Variants in TLN1 observed in about 807,000 individuals in gnomAD.
TLN1 encodes talin-1.
A neutral mutation model predicts 292.3 loss-of-function variants in TLN1; 56 were observed. That is an observed-to-expected ratio of 0.19 (90% confidence interval 0.15 to 0.24). The LOEUF (loss-of-function observed/expected upper bound fraction) is 0.24. TLN1 is among the 10% of genes least tolerant of loss of function. The pLI is 1.00. For synonymous variants in TLN1, 1,119 were observed against 1,253.7 expected (o/e 0.89, Z 2.27); for missense variants, 2,433 against 3,248.2 (o/e 0.75, Z 6.10).
chr9:35,716,861 G>C (rs963315711), intron 19 of TLN1, among the ~76,000 whole-genome samples: 2 of 152,306 alleles, frequency 1.3e-5, no homozygotes, highest in Admixed American at 1.3e-4. Flanking sequence ...GGGTATAGTA[G>C]GGAAGGCTAT....
chr9:35,719,393 G>A lies in TLN1; in HGVS notation c.1688-111C>T, dbSNP rs1340782943. Reference sequence around the variant, plus strand: ...GTCACACACATGTCCACAGAAAGACGCACACACACAGTCCCTTCCACAGTG... The same window carrying A: ...GTCACACACATGTCCACAGAAAGACACACACACACAGTCCCTTCCACAGTG... On this transcript the variant is annotated intron_variant, in intron 15 of 56. Coordinates refer to ENST00000314888, the MANE Select transcript of TLN1 (RefSeq NM_006289.4). This position sits in a 1 kb window ranked among gnomAD's most constrained non-coding sequence, Gnocchi z 4.6. 1.5e-6 allele frequency: 2 copies of A among 1,339,864 alleles called. No individual in the cohort carries two copies. The highest frequency in any genetic ancestry group is 1.2e-5 in the South Asian group (1 of 82,596). The allele number at this position is 1,339,864 out of a possible 1,614,324, so 83.0% of individuals were successfully genotyped here. A position where few individuals can be genotyped will look rare whatever the true frequency, so the allele number is the denominator to read the frequency against.
Position 35,719,304 on chromosome 9 carries a change from G to A in TLN1, c.1688-22C>T. The A allele has an allele frequency of 1.2e-6, 2 of 1,605,096 alleles. No homozygotes were observed. Among genetic ancestry groups the A allele is most frequent in the Admixed American group, 1.7e-5 (1 of 59,292 alleles). On this transcript the variant is annotated intron_variant, in intron 15 of 56. Transcript: ENST00000314888. This position sits in a 1 kb window ranked among gnomAD's most constrained non-coding sequence, Gnocchi z 4.6. Reference sequence around the variant, plus strand: ...TCCCCTAAGGGGAAAAGGAGAAAGAGGAACATGAGAGACAGGGCAGGCCAG... The same window carrying A: ...TCCCCTAAGGGGAAAAGGAGAAAGAAGAACATGAGAGACAGGGCAGGCCAG...
intron 27 of TLN1, 143 bp downstream of exon 27, chr9:35,712,692 A>G: frequency 1.5e-6 from 1 of 656,176 alleles, no homozygotes; most frequent in East Asian, 2.8e-5. Context: ...TAAGGGTGGA[A>G]TCCACAGAGG....
intron 17 of TLN1, among the ~76,000 whole-genome samples, chr9:35,718,256 C>G (rs950492261): frequency 3.3e-5 from 5 of 152,232 alleles, no homozygotes; most frequent in African/African-American, 9.6e-5. Context: ...CATCTCCCAC[C>G]AAGTTCTGGT....
Position 35,699,099 on chromosome 9 carries a change from C to A in TLN1, c.6932G>T (p.Gly2311Val), listed in dbSNP as rs1162478099. ...TGCAGCCTCAATGGCGGCTGCAGCT[C>A]CCAGGAGCTCATTCTCAGCAATGAC... is the stretch of plus-strand genomic sequence containing the variant. ...PTVIAENELL[G>V]AAAAIEAAAK... The change falls in exon 52 of 57, where the codon GGA becomes GTA. Residue 2311 changes from glycine to valine, a missense_variant. This residue lies in a region of TLN1 where 1,384 missense variants were observed against 1,699.6 expected (regional missense o/e 0.81). Coordinates refer to ENST00000314888, the MANE Select transcript of TLN1 (RefSeq NM_006289.4). The surrounding 1 kb of genome is among the most constrained non-coding windows in gnomAD (Gnocchi z 4.0). The A allele has an allele frequency of 1.2e-6, 2 of 1,613,940 alleles. No individual in the cohort carries two copies. The highest frequency in any genetic ancestry group is 1.7e-6 in the Non-Finnish European group (2 of 1,179,906).
At position 35,712,935 on chromosome 9, in the gene TLN1, G is replaced by T. The variant is rs764386370; in HGVS notation, c.3461C>A (p.Thr1154Lys). Reference sequence around the variant, plus strand: ...GGCCTTGTCCAGCACATCACTGGCCGTATCAAGTACAATGGCCTGCACTGC... The same window carrying T: ...GGCCTTGTCCAGCACATCACTGGCCTTATCAAGTACAATGGCCTGCACTGC... ...DPAVQAIVLD[T>K]ASDVLDKASS... The change falls in exon 27 of 57, where the codon ACG becomes AAG. Residue 1154 changes from threonine to lysine, a missense_variant. This residue lies in a region of TLN1 where 1,384 missense variants were observed against 1,699.6 expected (regional missense o/e 0.81). Transcript: ENST00000314888. 2 of 1,608,956 alleles carry T rather than the reference G, an allele frequency of 1.2e-6. No homozygotes were observed. Among genetic ancestry groups the T allele is most frequent in the Non-Finnish European group, 1.7e-6 (2 of 1,177,922 alleles).
chr9:35,709,134 A>C (rs1825615077), intron 33 of TLN1, among the ~76,000 whole-genome samples: 1 of 152,218 alleles, frequency 6.6e-6, no homozygotes, highest in African/African-American at 2.4e-5. Flanking sequence ...GTCTCTACTA[A>C]AAATACAAAA....
chr9:35,717,114 G>T lies in TLN1; in HGVS notation c.2458+32C>A, dbSNP rs754249047. 3 of 1,566,972 alleles carry T rather than the reference G, an allele frequency of 1.9e-6. No individual in the cohort carries two copies. Among genetic ancestry groups the T allele is most frequent in the South Asian group, 2.4e-5 (2 of 84,750 alleles). The stretch of plus-strand genomic sequence containing the variant: ...AGTGGGCTTAGGGAACCCTGGTAGG[G>T]TTTTTTGTTTTCCTGGGGGTGCGTG... On this transcript the variant is annotated intron_variant, in intron 19 of 56. Coordinates refer to ENST00000314888, the MANE Select transcript of TLN1 (RefSeq NM_006289.4). The surrounding 1 kb of genome is among the most constrained non-coding windows in gnomAD (Gnocchi z 4.7).
rs772453592 is a variant in TLN1, at chr9:35,724,557, T to C, written c.511+15A>G. On this transcript the variant is annotated intron_variant, in intron 5 of 56. Transcript: ENST00000314888. The surrounding 1 kb of genome is among the most constrained non-coding windows in gnomAD (Gnocchi z 4.7). Reference sequence around the variant, plus strand: ...TTCCCATTTCAAAAGCCCTCTTTTTTCTAGTTCTGCTTACACTCATCATCT... The same window carrying C: ...TTCCCATTTCAAAAGCCCTCTTTTTCCTAGTTCTGCTTACACTCATCATCT... 6.2e-7 allele frequency: 1 copy of C among 1,604,968 alleles called. No individual in the cohort carries two copies. The highest frequency in any genetic ancestry group is 1.1e-5 in the South Asian group (1 of 89,882).
chr9:35,706,472 T>G lies in TLN1; in HGVS notation c.5168A>C (p.Glu1723Ala). The G allele has an allele frequency of 6.2e-7, 1 of 1,614,106 alleles. No individual in the cohort carries two copies. The change falls in exon 39 of 57, where the codon GAA becomes GCA. Residue 1723 changes from glutamate (E) to alanine (A), a missense_variant. Transcript: ENST00000314888. The surrounding 1 kb of genome is among the most constrained non-coding windows in gnomAD (Gnocchi z 4.2). ...IEPLANAARAEASQLGHKVSQ... is the reference protein window; with the variant it reads ...IEPLANAARAAASQLGHKVSQ... ...TACCTTGTGTCCCAGCTGGGAGGCT[T>G]CAGCCCGGGCAGCATTGGCCAGCGG...
chr9:35,724,514 T>C lies in TLN1; in HGVS notation c.511+58A>G. 6.3e-7 allele frequency: 1 copy of C among 1,588,992 alleles called. No individual in the cohort carries two copies. Among genetic ancestry groups the C allele is most frequent in the South Asian group, 1.1e-5 (1 of 87,526 alleles). ...AACAGTGCCTGGCAGAAGCAGATGC[T>C]GAAGCCCCTTCCCACCCTTCCCATT... On this transcript the variant is annotated intron_variant, in intron 5 of 56. Transcript: ENST00000314888. This position sits in a 1 kb window ranked among gnomAD's most constrained non-coding sequence, Gnocchi z 4.7.
rs373052691 is a variant in TLN1, at chr9:35,724,130, C to A, written c.655-51G>T. 1 of 1,613,338 alleles carries A rather than the reference C, an allele frequency of 6.2e-7. No individual in the cohort carries two copies. The highest frequency in any genetic ancestry group is 8.5e-7 in the Non-Finnish European group (1 of 1,179,486). ...AATGTTGTGTGTGGGTGCAAGGACA[C>A]GCACACTGTGCTTCCGAGCCCTCCC... On this transcript the variant is annotated intron_variant, in intron 6 of 56. Coordinates refer to ENST00000314888, the MANE Select transcript of TLN1 (RefSeq NM_006289.4). This position sits in a 1 kb window ranked among gnomAD's most constrained non-coding sequence, Gnocchi z 4.7.
Position 35,705,945 on chromosome 9 carries a change from C to T in TLN1, c.5511+17G>A. The T allele has an allele frequency of 1.9e-6, 3 of 1,614,062 alleles. No individual in the cohort carries two copies. Among genetic ancestry groups the T allele is most frequent in the Non-Finnish European group, 1.7e-6 (2 of 1,179,924 alleles). ...CCAGGGTAGCCTCAGTGTCCAAAGG[C>T]ACCCCAAGACTCTAACCTGGTTGAT... On this transcript the variant is annotated intron_variant, in intron 41 of 56. Transcript: ENST00000314888.
rs74704620 is a variant in TLN1 at position 35,729,181 on chromosome 9, C to T, written c.-34+2894G>A. Among the ~76,000 whole-genome samples, 784 of 152,312 alleles carry T rather than the reference C, an allele frequency of 5.1e-3. 19 individuals carry two copies. The East Asian group carries it at 0.065, about 13-fold the overall frequency. ...GACTCAAAGATGTTAAATACTTGTT[C>T]AAATACTTCTCCAAATAATAAGTTG... On this transcript the variant is annotated intron_variant, in intron 1 of 56. Transcript: ENST00000314888.
chr9:35,725,808 AGT>A (rs1825965912), intron 1 of TLN1, 81 bp from the exon 2 acceptor site: 1 of 1,357,818 alleles, frequency 7.4e-7, no homozygotes, highest in Non-Finnish European at 1.0e-6. Context: ...CCAAGGGAAG[AGT>A]GTTTTTGAAA....
chr9:35,717,019 T>C lies in TLN1; in HGVS notation c.2458+127A>G, dbSNP rs946453032. On this transcript the variant is annotated intron_variant, in intron 19 of 56. Transcript: ENST00000314888. This position sits in a 1 kb window ranked among gnomAD's most constrained non-coding sequence, Gnocchi z 4.7. The stretch of plus-strand genomic sequence containing the variant: ...CTTTAATGATGAGCCTATGGTTGTG[T>C]GGCTGGCAAGCCCACACTGTGCTGA... 4.7e-6 allele frequency: 5 copies of C among 1,063,040 alleles called. No homozygotes were observed. The South Asian group carries it at 6.6e-5, about 14-fold the overall frequency. The allele number at this position is 1,063,040 out of a possible 1,614,324, so 65.9% of individuals were successfully genotyped here.
chr9:35,711,984 C>G (rs764063674), intron 28 of TLN1, 21 bp downstream of exon 28: 31 of 1,612,192 alleles, frequency 1.9e-5, no homozygotes, highest in East Asian at 1.1e-4. Context: ...TACGTTCCCC[C>G]ACCCCCTACC....
chr9:35,725,860 T>C (rs1311025298), intron 1 of TLN1, 133 bp from the exon 2 acceptor site: 2 of 717,612 alleles, frequency 2.8e-6, no homozygotes, highest in Non-Finnish European at 4.4e-6. Flanking sequence ...TTGTTTTCAT[T>C]GTATTTAATA....
rs1242997061 is a variant in TLN1 at position 35,706,277 on chromosome 9, T to A, written c.5280A>T (p.Ala1760=). 1 of 1,613,854 alleles carries A rather than the reference T, an allele frequency of 6.2e-7. No homozygotes were observed. Among genetic ancestry groups the A allele is most frequent in the South Asian group, 1.1e-5 (1 of 91,034 alleles). The change falls in exon 40 of 57, where the codon GCA becomes GCT. Residue 1760 remains alanine (A), a synonymous_variant. Transcript: ENST00000314888. This position sits in a 1 kb window ranked among gnomAD's most constrained non-coding sequence, Gnocchi z 4.2. ...SKTLSHPQQM[A]LLDQTKTLAE... is the part of the protein sequence containing the mutation. ...CCAATGTTTTAGTCTGGTCCAGGAG[T>A]GCCATCTGCTGCGGGTGGCTCAGGG...
Sources: gnomAD v4.1 joint callset for allele counts (sites outside exome capture counted in the v4.1 genomes callset) on GRCh38, gnomAD v4.1.1 for gene constraint, gnomAD v4.1.1 regional missense constraint, Gnocchi (gnomAD v3.1) non-coding constraint, MANE v1.5 for transcripts, NCBI Gene and HGNC (gene_info 2026-07-23, HGNC 2026-07-21) for gene names.